Variants in LARS2 observed in about 807,000 individuals in gnomAD.
LARS2 encodes the protein leucyl-tRNA synthetase 2, mitochondrial.
A neutral mutation model predicts 116.6 loss-of-function variants in LARS2; 81 were observed. The observed-to-expected ratio is 0.69, with a 90% CI of 0.58 to 0.84. The LOEUF is 0.84. Ranked by LOEUF, LARS2 falls within the 40% of genes least tolerant of loss-of-function variation. The pLI is 0.00. For synonymous variants in LARS2, 396 were observed against 407.2 expected, an observed-to-expected ratio of 0.97 and a Z score of 0.33; for missense variants, 968 against 1,114.5, an observed-to-expected ratio of 0.87 and a Z score of 1.87.
chr3:45,545,647 G>A (rs112093995), intron 21 of LARS2, among the ~76,000 whole-genome samples: 5,408 of 152,304 alleles, frequency 0.036, 101 homozygotes, highest in Middle Eastern at 0.068. Flanking sequence ...CTCAGAGCAC[G>A]ATGGCCACAT....
chr3:45,485,943 A>G (rs1699802913), intron 11 of LARS2, 147 bp downstream of exon 11: 10 of 546,212 alleles, frequency 1.8e-5, no homozygotes, highest in East Asian at 3.0e-5. Flanking sequence ...CCTTCATTTA[A>G]TCATCCCTTG....
At chr3:45,420,664 G>T (rs1698499753) in intron 6 of LARS2, among the ~76,000 whole-genome samples, 1 of 152,220 alleles carries the variant, frequency 6.6e-6, no homozygotes, top group South Asian at 2.1e-4. Context: ...GTTGTCCTGA[G>T]GTGCCAATAG....
At chr3:45,533,552 A>G (rs965988905) in intron 20 of LARS2, among the ~76,000 whole-genome samples, 6 of 152,194 alleles carry the variant, frequency 3.9e-5, no homozygotes, top group African/African-American at 1.4e-4. Flanking sequence ...ATCGCAGAAT[A>G]TATATTTCGC....
intron 10 of LARS2, among the ~76,000 whole-genome samples, chr3:45,478,991 T>C (rs1223996249): frequency 6.6e-6 from 1 of 152,194 alleles, no homozygotes; most frequent in African/African-American, 2.4e-5. Flanking sequence ...CCACCTCATT[T>C]TTTTTCATTG....
At chr3:45,503,026 G>A (rs1700145063) in intron 15 of LARS2, among the ~76,000 whole-genome samples, 1 of 151,554 alleles carries the variant, frequency 6.6e-6, no homozygotes, top group South Asian at 2.1e-4. Flanking sequence ...TGCAAGGGGT[G>A]TTTTAACTGA....
At chr3:45,547,166 C>T (rs1374776938) in intron 21 of LARS2, among the ~76,000 whole-genome samples, 185 bp from the exon 22 acceptor site, 2 of 152,160 alleles carry the variant, frequency 1.3e-5, no homozygotes, top group Non-Finnish European at 2.9e-5. Flanking sequence ...AGGCATTAAT[C>T]CTATTCAGCT....
chr3:45,414,478 T>C (rs1272313002), intron 4 of LARS2, among the ~76,000 whole-genome samples: 1 of 152,054 alleles, frequency 6.6e-6, no homozygotes, highest in Non-Finnish European at 1.5e-5. Flanking sequence ...CTGATATGCG[T>C]GTGTGGTGAG....
intron 2 of LARS2, among the ~76,000 whole-genome samples, chr3:45,392,981 G>A (rs1208429919): frequency 1.3e-5 from 2 of 152,120 alleles, no homozygotes; most frequent in Non-Finnish European, 2.9e-5. Flanking sequence ...AGGCTATTTA[G>A]TCTAGTATTT....
chr3:45,492,046 A>G (rs1012115860), intron 13 of LARS2, among the ~76,000 whole-genome samples: 16 of 152,222 alleles, frequency 1.1e-4, no homozygotes, highest in Non-Finnish European at 1.9e-4. Context: ...GTTCAGATCT[A>G]TCCCAGAAAC....
At position 45,547,955 on chromosome 3, in the gene LARS2, AG is replaced by A. The variant is rs1268115012; in HGVS notation, c.*427del. The A allele has an allele frequency of 1.3e-5, 2 of 157,924 alleles. No individual in the cohort carries two copies. The highest frequency in any genetic ancestry group is 4.8e-5 in the African/African-American group (2 of 41,702). The allele number at this position is 157,924 out of a possible 1,614,324, so 9.8% of individuals were successfully genotyped here. A position where few individuals can be genotyped will look rare whatever the true frequency, so the allele number is the denominator to read the frequency against. On this transcript the variant is annotated 3_prime_UTR_variant, in exon 22 of 22. Coordinates refer to ENST00000645846, the MANE Select transcript of LARS2 (RefSeq NM_015340.4). ...ATTTGAGGCCAGCCTGAGGAACTGC[AG>A]GACTCAGGTGCAATGTGCCAGCCAC...
At chr3:45,507,602 T>A (rs1188987111) in intron 15 of LARS2, among the ~76,000 whole-genome samples, 1 of 152,136 alleles carries the variant, frequency 6.6e-6, no homozygotes, top group Non-Finnish European at 1.5e-5. Flanking sequence ...AGCACACTTA[T>A]ACAACACTTT....
chr3:45,449,280 A>G (rs1575262339), intron 7 of LARS2, among the ~76,000 whole-genome samples: 1 of 149,768 alleles, frequency 6.7e-6, no homozygotes, highest in African/African-American at 2.5e-5. Context: ...CTCCTACCTC[A>G]GCCTCCTGAG....
chr3:45,542,563 G>A (rs571077566), intron 21 of LARS2, among the ~76,000 whole-genome samples: 279 of 152,286 alleles, frequency 1.8e-3, no homozygotes, highest in Non-Finnish European at 3.3e-3. Flanking sequence ...ATATGCTGAT[G>A]TGTCTGAAGA....
intron 11 of LARS2, among the ~76,000 whole-genome samples, chr3:45,487,744 C>T (rs1042501901): frequency 6.7e-6 from 1 of 150,274 alleles, no homozygotes; most frequent in African/African-American, 2.4e-5. Context: ...TTGAGAAATC[C>T]TGCCCTTACA....
chr3:45,536,607 C>T (rs1352995371), intron 20 of LARS2, among the ~76,000 whole-genome samples: 1 of 152,228 alleles, frequency 6.6e-6, no homozygotes, highest in Non-Finnish European at 1.5e-5. Flanking sequence ...TGTATGTGCC[C>T]AGCTTCGGGA....
chr3:45,536,334 C>A (rs1700704534), intron 20 of LARS2, among the ~76,000 whole-genome samples: 1 of 152,106 alleles, frequency 6.6e-6, no homozygotes, highest in South Asian at 2.1e-4. Flanking sequence ...GTCTTGAACT[C>A]CTGGGCTTAA....
intron 4 of LARS2, among the ~76,000 whole-genome samples, chr3:45,406,170 GAGAAACATTGCTCAGAAC>G (rs1475532158): frequency 5.3e-5 from 8 of 152,204 alleles, no homozygotes; most frequent in African/African-American, 1.7e-4. Flanking sequence ...TGTGGAATTT[GAGAAACATTGCTCAGAAC>G]ATGAAGTTGT....
intron 6 of LARS2, among the ~76,000 whole-genome samples, chr3:45,430,233 A>G (rs1197213291): frequency 1.4e-5 from 2 of 146,090 alleles, no homozygotes; most frequent in Admixed American, 6.9e-5. Flanking sequence ...TGGCCTCCCA[A>G]AGTTCTAGGA....
intron 3 of LARS2, among the ~76,000 whole-genome samples, chr3:45,399,292 A>C (rs920026826): frequency 6.6e-6 from 1 of 152,232 alleles, no homozygotes; most frequent in Non-Finnish European, 1.5e-5. Flanking sequence ...AACCTACGTC[A>C]GAATGCAGCT....
Sources: gnomAD v4.1 joint callset for allele counts (sites outside exome capture counted in the v4.1 genomes callset) on GRCh38, gnomAD v4.1.1 for gene constraint, MANE v1.5 for transcripts, NCBI Gene and HGNC (gene_info 2026-07-23, HGNC 2026-07-21) for gene names.